The following JMY variants were observed in gnomAD, a reference collection of about 807,000 sequenced individuals.
JMY encodes the protein junction mediating and regulatory protein, p53 cofactor.
A neutral mutation model predicts 103.3 loss-of-function variants in JMY; 46 were observed. The ratio of observed to expected loss-of-function variants is 0.45; its 90% confidence interval spans 0.35 to 0.57. The LOEUF (loss-of-function observed/expected upper bound fraction) is 0.57, where lower values mean the gene tolerates loss of function less well. Among genes scored for constraint, JMY ranks in the 20% least tolerant of loss-of-function variants. JMY has a pLI of 0.00. For missense variants in JMY, 1,238 were observed against 1,255.2 expected (o/e 0.99, Z 0.21); for synonymous variants, 526 against 489.3 (o/e 1.07, Z -0.99).
Position 79,237,593 on chromosome 5 carries a change from G to C in JMY, c.943G>C (p.Asp315His). The change falls in exon 1 of 11, where the codon GAT becomes CAT. Residue 315 changes from aspartate to histidine, a missense_variant. Coordinates refer to ENST00000396137, the MANE Select transcript of JMY (RefSeq NM_152405.5). Reference protein sequence around the residue: ...LSQVLFTETDDPEEYYESLSE... With the variant: ...LSQVLFTETDHPEEYYESLSE... The stretch of plus-strand genomic sequence containing the variant: ...CCAGGTGCTCTTCACCGAGACCGAT[G>C]ATCCCGAGGAGTATTACGAAAGCCT... 1 of 1,613,744 alleles carries C rather than the reference G, an allele frequency of 6.2e-7. No homozygotes were observed. Among genetic ancestry groups the C allele is most frequent in the Non-Finnish European group, 8.5e-7 (1 of 1,180,026 alleles).
At chr5:79,250,117 C>T (rs1463978598) in intron 1 of JMY, among the ~76,000 whole-genome samples, 3 of 152,202 alleles carry the variant, frequency 2.0e-5, no homozygotes, top group African/African-American at 7.2e-5. Flanking sequence ...GCAACTCATA[C>T]TGATGCTGGG....
At chr5:79,316,898 TAAAAAAAAAAAAA>T (rs34558016) in intron 10 of JMY, among the ~76,000 whole-genome samples, 2 of 83,642 alleles carry the variant, frequency 2.4e-5, no homozygotes, top group African/African-American at 4.6e-5. Flanking sequence ...GACTCAGTCT[TAAAAAAAAAAAAA>T]AAAAAAAAAA....
rs375774465 is a variant in JMY at position 79,273,956 on chromosome 5, G to A, written c.1033-3954G>A. On this transcript the variant is annotated intron_variant, in intron 1 of 10. Transcript: ENST00000396137. ...TGCCATTCTTCTGCCTCAGCCTCCC[G>A]AGTAGCTGGGACTACAGGTGCCCGC... is the stretch of plus-strand genomic sequence containing the variant. Among the ~76,000 whole-genome samples the A allele has an allele frequency of 1.6e-4, 24 of 151,626 alleles. 1 individual carries two copies. Among genetic ancestry groups the A allele is most frequent in the Admixed American group, 6.6e-4 (10 of 15,230 alleles).
chr5:79,283,394 C>A (rs1746179292), intron 2 of JMY, among the ~76,000 whole-genome samples: 1 of 152,134 alleles, frequency 6.6e-6, no homozygotes, highest in African/African-American at 2.4e-5. Flanking sequence ...CCAATGGTTT[C>A]ATTAACCTAG....
At chr5:79,241,620 A>AT (rs1195902858) in intron 1 of JMY, among the ~76,000 whole-genome samples, 1 of 152,192 alleles carries the variant, frequency 6.6e-6, no homozygotes. Flanking sequence ...ATCTGTGGGC[A>AT]TGTGTGCATT....
chr5:79,267,186 T>C (rs913400414), intron 1 of JMY, among the ~76,000 whole-genome samples: 2 of 152,228 alleles, frequency 1.3e-5, no homozygotes, highest in Admixed American at 6.5e-5. Flanking sequence ...GAGTAATCCA[T>C]AGTTTATATT....
chr5:79,281,377 T>C (rs1477764291), intron 2 of JMY, among the ~76,000 whole-genome samples: 4 of 147,682 alleles, frequency 2.7e-5, no homozygotes, highest in Non-Finnish European at 5.9e-5. Context: ...TTTTTTTTTT[T>C]TTACTTTTAA....
chr5:79,277,706 A>C (rs1021358335), intron 1 of JMY, among the ~76,000 whole-genome samples: 1 of 152,118 alleles, frequency 6.6e-6, no homozygotes, highest in African/African-American at 2.4e-5. Context: ...TTTGAGCCTC[A>C]AAAGAAATAT....
intron 1 of JMY, among the ~76,000 whole-genome samples, chr5:79,259,970 C>T (rs1033416508): frequency 6.6e-6 from 1 of 152,204 alleles, no homozygotes; most frequent in African/African-American, 2.4e-5. Context: ...ACATCCTGGG[C>T]CCACCTCTGC....
At chr5:79,263,334 C>T (rs1485108285) in intron 1 of JMY, among the ~76,000 whole-genome samples, 5 of 152,218 alleles carry the variant, frequency 3.3e-5, no homozygotes, top group East Asian at 3.9e-4. Context: ...GGACAGCTGC[C>T]GAGAAGACTC....
At chr5:79,290,098 A>G in intron 2 of JMY, 23 bp from the exon 3 acceptor site, 1 of 1,551,732 alleles carries the variant, frequency 6.4e-7, no homozygotes, top group South Asian at 1.2e-5. Context: ...GAACTTCTTA[A>G]TTTTTTCTTT....
intron 1 of JMY, among the ~76,000 whole-genome samples, chr5:79,242,726 C>G (rs566201298): frequency 4.6e-5 from 7 of 151,632 alleles, no homozygotes; most frequent in Admixed American, 4.6e-4. Context: ...ATGTCAATCT[C>G]TACTCTTGAG....
chr5:79,299,247 A>G (rs1027036584), intron 4 of JMY, among the ~76,000 whole-genome samples: 4 of 152,232 alleles, frequency 2.6e-5, no homozygotes, highest in Admixed American at 6.5e-5. Flanking sequence ...CAGTGGTGCT[A>G]TGTTCTTGGA....
chr5:79,270,893 T>C (rs1468255173), intron 1 of JMY, among the ~76,000 whole-genome samples: 1 of 151,918 alleles, frequency 6.6e-6, no homozygotes, highest in Non-Finnish European at 1.5e-5. Context: ...TCATGTGATT[T>C]TTCTTGTTTA....
At chr5:79,282,470 G>A (rs775156683) in intron 2 of JMY, among the ~76,000 whole-genome samples, 73 of 151,826 alleles carry the variant, frequency 4.8e-4, no homozygotes, top group Admixed American at 2.1e-3. Flanking sequence ...TTTAAAAAAA[G>A]TTAAATGTGA....
chr5:79,281,865 A>G (rs752433698), intron 2 of JMY, among the ~76,000 whole-genome samples: 1 of 152,212 alleles, frequency 6.6e-6, no homozygotes, highest in Non-Finnish European at 1.5e-5. Context: ...AAATATGCTG[A>G]GGAAAAGACA....
intron 1 of JMY, among the ~76,000 whole-genome samples, chr5:79,238,425 T>G (rs912327494): frequency 2.0e-5 from 3 of 151,818 alleles, no homozygotes; most frequent in African/African-American, 7.3e-5. Context: ...GAAGAAAGGG[T>G]CTGAATGGAT....
At chr5:79,264,200 C>T (rs1023286114) in intron 1 of JMY, among the ~76,000 whole-genome samples, 1 of 152,088 alleles carries the variant, frequency 6.6e-6, no homozygotes, top group Admixed American at 6.5e-5. Flanking sequence ...ATTCTTTCAC[C>T]TCAACCTCCT....
intron 7 of JMY, 130 bp downstream of exon 7, chr5:79,306,591 C>A: frequency 3.0e-6 from 2 of 669,252 alleles, no homozygotes; most frequent in Admixed American, 2.8e-5. Flanking sequence ...ATATAATGAG[C>A]AGTTTTTAGG....
Sources: gnomAD v4.1 joint callset for allele counts (sites outside exome capture counted in the v4.1 genomes callset) on GRCh38, gnomAD v4.1.1 for gene constraint, MANE v1.5 for transcripts, NCBI Gene and HGNC (gene_info 2026-07-23, HGNC 2026-07-21) for gene names.